PDE12: variants seen among roughly 807,000 people sequenced by gnomAD.
The protein encoded by PDE12 is 2',5'-phosphodiesterase 12.
A neutral mutation model predicts 45.4 loss-of-function variants in PDE12; 26 were observed. That is an observed-to-expected ratio of 0.57 (90% CI 0.42 to 0.79). The LOEUF is 0.79. Among genes scored for constraint, PDE12 ranks in the 30% least tolerant of loss-of-function variants. The pLI is 0.00. For synonymous variants in PDE12, 283 were observed against 323.9 expected, an observed-to-expected ratio of 0.87 and a Z score of 1.36; for missense variants, 668 against 790.0, an observed-to-expected ratio of 0.85 and a Z score of 1.85.
At chr3:57,580,968 A>G in the PDE12 span, among the ~76,000 whole-genome samples, 2 of 152,138 alleles carry the variant, frequency 1.3e-5, no homozygotes, top group African/African-American at 2.4e-5. Flanking sequence ...ATTGAGAAGG[A>G]GAATTATTTT....
intron 1 of PDE12, among the ~76,000 whole-genome samples, chr3:57,558,919 A>G (rs866649232): frequency 6.6e-6 from 1 of 151,872 alleles, no homozygotes; most frequent in East Asian, 1.9e-4. Context: ...TTAGTTCGCC[A>G]TTAGTCTTAG....
At chr3:57,605,001 C>A in the PDE12 span, among the ~76,000 whole-genome samples, 1 of 152,114 alleles carries the variant, frequency 6.6e-6, no homozygotes, top group Non-Finnish European at 1.5e-5. Context: ...CAGATTTACC[C>A]ACTCACCTAA....
At chr3:57,575,699 C>T in the PDE12 span, 5 of 1,588,696 alleles carry the variant, frequency 3.1e-6, no homozygotes, top group Non-Finnish European at 4.3e-6. Context: ...AAGGCATTAA[C>T]AACTACCAAC....
At chr3:57,651,466 T>G in the PDE12 span, among the ~76,000 whole-genome samples, 13 of 152,008 alleles carry the variant, frequency 8.6e-5, no homozygotes, top group Non-Finnish European at 1.8e-4. Context: ...AACAGGCAAG[T>G]CCATAGAGAC....
chr3:57,583,587 CA>C, the PDE12 span, among the ~76,000 whole-genome samples: 1 of 152,200 alleles, frequency 6.6e-6, no homozygotes, highest in African/African-American at 2.4e-5. Flanking sequence ...ACAGTTTATA[CA>C]GACCTTACTT....
the PDE12 span, among the ~76,000 whole-genome samples, chr3:57,607,729 A>C: frequency 3.3e-5 from 5 of 152,300 alleles, no homozygotes; most frequent in Non-Finnish European, 7.3e-5. Flanking sequence ...ATATGGGACT[A>C]TGTGAAAAGA....
At chr3:57,571,871 A>G in the PDE12 span, 1 of 200,052 alleles carries the variant, frequency 5.0e-6, no homozygotes. Flanking sequence ...TCAGTAAAGT[A>G]GCAAGGGGAT....
chr3:57,605,678 T>C, the PDE12 span, among the ~76,000 whole-genome samples: 1 of 152,168 alleles, frequency 6.6e-6, no homozygotes, highest in East Asian at 1.9e-4. Context: ...AATTCTGGCA[T>C]CTAATACAAA....
chr3:57,597,178 G>C, the PDE12 span: 1 of 1,582,352 alleles, frequency 6.3e-7, no homozygotes, highest in South Asian at 1.1e-5. Context: ...AAGCAGAAGG[G>C]GTTTGGGGCG....
At chr3:57,633,233 T>G in the PDE12 span, 1 of 1,566,378 alleles carries the variant, frequency 6.4e-7, no homozygotes, top group Non-Finnish European at 8.8e-7. Context: ...ACCAAATCAT[T>G]AAATTATGCA....
At chr3:57,587,174 C>T in the PDE12 span, among the ~76,000 whole-genome samples, 1 of 151,958 alleles carries the variant, frequency 6.6e-6, no homozygotes, top group Non-Finnish European at 1.5e-5. Context: ...CAGAAACTAG[C>T]TGGATGTGGT....
At chr3:57,572,166 A>C in the PDE12 span, 3 of 1,493,678 alleles carry the variant, frequency 2.0e-6, no homozygotes, top group Non-Finnish European at 2.8e-6. Context: ...TAACAAGCCT[A>C]GACCAATTTT....
At chr3:57,603,683 C>T in the PDE12 span, among the ~76,000 whole-genome samples, 9 of 149,472 alleles carry the variant, frequency 6.0e-5, no homozygotes, top group East Asian at 2.0e-4. Flanking sequence ...AGTGCAATGG[C>T]GCGATCTCAG....
At chr3:57,597,431 C>T in the PDE12 span, 2 of 272,268 alleles carry the variant, frequency 7.3e-6, no homozygotes, top group African/African-American at 2.3e-5. Context: ...GGCCCGGCCC[C>T]TCCAACGCGG....
the PDE12 span, among the ~76,000 whole-genome samples, chr3:57,638,542 C>G: frequency 6.6e-6 from 1 of 152,010 alleles, no homozygotes; most frequent in Admixed American, 6.6e-5. Flanking sequence ...CCTGTAATCT[C>G]AGCGACTCGG....
At chr3:57,590,071 C>G in the PDE12 span, among the ~76,000 whole-genome samples, 1 of 149,486 alleles carries the variant, frequency 6.7e-6, no homozygotes, top group Non-Finnish European at 1.5e-5. Flanking sequence ...GCCTGGGCAA[C>G]AGACCAAGAC....
At chr3:57,630,786 A>G in the PDE12 span, 1 of 1,613,944 alleles carries the variant, frequency 6.2e-7, no homozygotes, top group Non-Finnish European at 8.5e-7. Flanking sequence ...GTGTTTTCAT[A>G]AATTCTTCTG....
chr3:57,556,309 C>T lies in PDE12; in HGVS notation c.-71C>T, dbSNP rs2069656547. 4.9e-6 allele frequency: 7 copies of T among 1,441,512 alleles called. No individual in the cohort carries two copies. The African/African-American group carries it at 8.6e-5, about 18-fold the overall frequency. 89.3% of individuals were successfully genotyped at this position (1,441,512 alleles called of 1,614,324 possible). A position where few individuals can be genotyped will look rare whatever the true frequency, so the allele number is the denominator to read the frequency against. On this transcript the variant is annotated 5_prime_UTR_variant, in exon 1 of 3. Transcript: ENST00000311180. This position sits in a 1 kb window ranked among gnomAD's most constrained non-coding sequence, Gnocchi z 5.0. ...AATGAGTCAAAGCCGGCGGCCTCGG[C>T]TCCTCAGCTCCACCTGACAGTAGGC...
chr3:57,570,215 C>T (rs1019341152), downstream of PDE12, among the ~76,000 whole-genome samples: 4 of 112,450 alleles, frequency 3.6e-5, no homozygotes, highest in Non-Finnish European at 7.1e-5. Context: ...TTGGTTAATC[C>T]AGTGTTTTTT....
Sources: gnomAD v4.1 joint callset for allele counts (sites outside exome capture counted in the v4.1 genomes callset) on GRCh38, gnomAD v4.1.1 for gene constraint, Gnocchi (gnomAD v3.1) non-coding constraint, MANE v1.5 for transcripts, NCBI Gene and HGNC (gene_info 2026-07-23, HGNC 2026-07-21) for gene names.